The following MAD1L1 variants were observed in gnomAD, a reference collection of about 807,000 sequenced individuals.
MAD1L1 encodes the protein mitotic spindle assembly checkpoint protein MAD1.
MAD1L1 carries 95 observed loss-of-function variants against 96.9 expected under a neutral mutation model. That is an observed-to-expected ratio of 0.98 (90% CI 0.83 to 1.16). MAD1L1 has a LOEUF of 1.16. Ranked by LOEUF, MAD1L1 falls within the 50% of genes most tolerant of loss-of-function variation. MAD1L1 has a pLI of 0.00. For missense variants in MAD1L1, 1,007 were observed against 954.4 expected (o/e 1.06, Z -0.73); for synonymous variants, 473 against 396.6 (o/e 1.19, Z -2.29).
chr7:1,864,330 C>T (rs553264341), intron 18 of MAD1L1, among the ~76,000 whole-genome samples: 10 of 152,290 alleles, frequency 6.6e-5, no homozygotes, highest in African/African-American at 2.2e-4. Context: ...AGGGCAGACC[C>T]GGGGCCCCTT....
chr7:2,175,866 G>A (rs1431452101), intron 10 of MAD1L1, among the ~76,000 whole-genome samples: 1 of 152,036 alleles, frequency 6.6e-6, no homozygotes, highest in Non-Finnish European at 1.5e-5. Flanking sequence ...AAAAACAGAT[G>A]GAAAAACTAC....
chr7:2,123,297 T>C (rs1584377737), intron 11 of MAD1L1, among the ~76,000 whole-genome samples: 1 of 104,168 alleles, frequency 9.6e-6, no homozygotes, highest in Non-Finnish European at 1.9e-5. Context: ...AGAGCGAGAC[T>C]CCATCTCAAA....
In MAD1L1 at chr7:1,985,292, C is replaced by T. The variant is rs374253791; in HGVS notation, c.1417-4751G>A. The stretch of plus-strand genomic sequence containing the variant: ...TCCCTTGCCTGCCTGGTGGCCTGAG[C>T]GGGGCAGCTCCCGTTTTCCGCCCAG... On this transcript the variant is annotated intron_variant, in intron 14 of 18. Transcript: ENST00000265854. Among the ~76,000 whole-genome samples, 7 of 152,344 alleles carry T rather than the reference C, an allele frequency of 4.6e-5. No individual in the cohort carries two copies. In the East Asian group the frequency reaches 5.8e-4, roughly 13 times the overall value.
intron 15 of MAD1L1, among the ~76,000 whole-genome samples, chr7:1,972,510 T>C (rs1468639220): frequency 6.6e-6 from 1 of 152,234 alleles, no homozygotes; most frequent in Non-Finnish European, 1.5e-5. Context: ...ACAGGGCCTG[T>C]AGTGATGGCC....
chr7:2,193,774 C>A (rs1293612843), intron 10 of MAD1L1, among the ~76,000 whole-genome samples: 1 of 152,216 alleles, frequency 6.6e-6, no homozygotes, highest in Non-Finnish European at 1.5e-5. Context: ...ACGCCAGTCT[C>A]ACCCTAGGCT....
At chr7:1,978,735 G>C (rs1406279791) in intron 15 of MAD1L1, among the ~76,000 whole-genome samples, 1 of 152,162 alleles carries the variant, frequency 6.6e-6, no homozygotes, top group Non-Finnish European at 1.5e-5. Context: ...TAACGACAGA[G>C]CCTCTAGGTG....
intron 17 of MAD1L1, among the ~76,000 whole-genome samples, chr7:1,923,989 TAAGA>T (rs1306690158): frequency 2.0e-5 from 3 of 152,172 alleles, no homozygotes; most frequent in African/African-American, 7.2e-5. Flanking sequence ...CCAGAGAACT[TAAGA>T]AAGACCTAGA....
intron 18 of MAD1L1, among the ~76,000 whole-genome samples, chr7:1,866,129 G>C (rs781114586): frequency 6.6e-6 from 1 of 152,238 alleles, no homozygotes; most frequent in African/African-American, 2.4e-5. Context: ...TGCTCAGCAG[G>C]GCTGGTTGGT....
At chr7:1,879,666 T>G (rs1419572870) in intron 18 of MAD1L1, among the ~76,000 whole-genome samples, 1 of 152,222 alleles carries the variant, frequency 6.6e-6, no homozygotes, top group African/African-American at 2.4e-5. Context: ...AGCTGCAGTA[T>G]TCAGGATAGC....
intron 18 of MAD1L1, among the ~76,000 whole-genome samples, chr7:1,881,602 G>A (rs1446185679): frequency 6.6e-6 from 1 of 152,158 alleles, no homozygotes; most frequent in Non-Finnish European, 1.5e-5. Flanking sequence ...GCACAACTGC[G>A]AAATAGCACA....
intron 11 of MAD1L1, among the ~76,000 whole-genome samples, chr7:2,097,525 T>C (rs549829522): frequency 6.6e-6 from 1 of 152,058 alleles, no homozygotes; most frequent in Admixed American, 6.5e-5. Flanking sequence ...GGTCCGAGAA[T>C]GCCAAGGAAC....
intron 12 of MAD1L1, among the ~76,000 whole-genome samples, chr7:2,059,660 G>T (rs562711513): frequency 6.6e-5 from 10 of 151,714 alleles, no homozygotes; most frequent in African/African-American, 2.4e-4. Flanking sequence ...AGCATGGCCA[G>T]GGGACAGGAG....
intron 12 of MAD1L1, among the ~76,000 whole-genome samples, chr7:2,054,346 C>G (rs1324397973): frequency 6.6e-6 from 1 of 152,180 alleles, no homozygotes; most frequent in South Asian, 2.1e-4. Context: ...GGAGGCGGTC[C>G]ACGCTCCCAC....
intron 5 of MAD1L1, among the ~76,000 whole-genome samples, chr7:2,220,098 C>T (rs1333553856): frequency 6.6e-6 from 1 of 152,252 alleles, no homozygotes; most frequent in Non-Finnish European, 1.5e-5. Context: ...CGGCTGTTTG[C>T]TAGCGACATC....
At chr7:1,940,415 G>T (rs773250332) in intron 16 of MAD1L1, 78 of 152,330 alleles carry the variant, frequency 5.1e-4, no homozygotes, top group Non-Finnish European at 1.1e-3. Context: ...TTCACAGCCG[G>T]GGTTAAGATA....
At position 2,119,450 on chromosome 7, in the gene MAD1L1, T is replaced by C. The variant is rs566062830; in HGVS notation, c.1073+29702A>G. 2.6e-5 allele frequency among the ~76,000 whole-genome samples: 4 copies of C among 152,238 alleles called. No homozygotes were observed. In the East Asian group the frequency reaches 7.7e-4, roughly 29 times the overall value. On this transcript the variant is annotated intron_variant, in intron 11 of 18. Coordinates refer to ENST00000265854, the MANE Select transcript of MAD1L1 (RefSeq NM_001013836.2). The surrounding 1 kb of genome is among the most constrained non-coding windows in gnomAD (Gnocchi z 4.6). The stretch of plus-strand genomic sequence containing the variant: ...GCTGTCGTGGGGCGCACACTCTCTG[T>C]AGCTGGCCAAAGCTGGACGACGCCA...
intron 11 of MAD1L1, among the ~76,000 whole-genome samples, chr7:2,134,424 GCAAA>G (rs1788657220): frequency 6.6e-6 from 1 of 152,188 alleles, no homozygotes; most frequent in African/African-American, 2.4e-5. Flanking sequence ...CATGTCATCT[GCAAA>G]CAAAGACAGT....
chr7:2,113,307 C>T (rs190892213), intron 11 of MAD1L1, among the ~76,000 whole-genome samples: 90 of 152,308 alleles, frequency 5.9e-4, no homozygotes, highest in African/African-American at 2.0e-3. Flanking sequence ...GGGCTGGGCA[C>T]GGTGGCTCAC....
chr7:2,109,652 G>A (rs894530872), intron 11 of MAD1L1: 1 of 152,174 alleles, frequency 6.6e-6, no homozygotes, highest in African/African-American at 2.4e-5. Flanking sequence ...AGCTCACTGC[G>A]GCTGCGTGGG....
Sources: allele counts gnomAD v4.1 joint callset (sites outside exome capture counted in the v4.1 genomes callset), GRCh38; gene constraint gnomAD v4.1.1; non-coding constraint Gnocchi (gnomAD v3.1); transcripts MANE v1.5; gene names NCBI Gene and HGNC (gene_info 2026-07-23, HGNC 2026-07-21).